Variants in SLC4A8 observed in about 807,000 individuals in gnomAD.
SLC4A8 encodes electroneutral sodium bicarbonate exchanger 1.
Under a neutral mutation model 125.0 loss-of-function variants are expected in SLC4A8, and 40 were observed. The ratio of observed to expected loss-of-function variants is 0.32; its 90% CI spans 0.25 to 0.42. The LOEUF (loss-of-function observed/expected upper bound fraction) is 0.42. SLC4A8 is among the 10% of genes least tolerant of loss of function. The pLI is 1.00. For missense variants in SLC4A8, 863 were observed against 1,355.1 expected (o/e 0.64, Z 5.70); for synonymous variants, 456 against 476.0 (o/e 0.96, Z 0.55).
Position 51,457,496 on chromosome 12 carries a change from G to A in SLC4A8, c.720G>A (p.Glu240=), listed in dbSNP as rs1320777459. Residue 240 remains glutamate (E), a synonymous_variant, in exon 6 of 25, where the codon GAG becomes GAA. Transcript: ENST00000453097. The part of the protein sequence containing the change: ...NLIPIVRSFA[E]VGKKQSDPHL... Reference sequence around the variant, plus strand: ...TTCCCATTGTTCGCTCCTTTGCTGAGGTTGGCAAGAAGCAGTCTGATCCTC... The same window carrying A: ...TTCCCATTGTTCGCTCCTTTGCTGAAGTTGGCAAGAAGCAGTCTGATCCTC... 1.9e-6 allele frequency: 3 copies of A among 1,613,946 alleles called. No individual in the cohort carries two copies. The African/African-American group carries it at 4.0e-5, about 22-fold the overall frequency.
At chr12:51,495,240 T>A (rs1951429936) in intron 21 of SLC4A8, 122 bp downstream of exon 21, 2 of 804,104 alleles carry the variant, frequency 2.5e-6, no homozygotes, top group Non-Finnish European at 3.8e-6. Flanking sequence ...TACATTCACA[T>A]TGCTGTGGAG....
At chr12:51,440,585 A>G (rs1411402598) in intron 1 of SLC4A8, 123 bp from the exon 2 acceptor site, 2 of 685,402 alleles carry the variant, frequency 2.9e-6, no homozygotes, top group Non-Finnish European at 4.9e-6. Flanking sequence ...GTTCACATGT[A>G]AAAATACAGG....
intron 11 of SLC4A8, among the ~76,000 whole-genome samples, chr12:51,464,333 A>G (rs1285903391): frequency 5.3e-5 from 8 of 152,214 alleles, no homozygotes; most frequent in Admixed American, 3.9e-4. Context: ...TGGACTAGGT[A>G]TGATAAATGT....
At chr12:51,453,433 C>T in intron 4 of SLC4A8, 106 bp from the exon 5 acceptor site, 3 of 1,154,980 alleles carry the variant, frequency 2.6e-6, no homozygotes, top group Non-Finnish European at 2.5e-6. Context: ...TTACAATGTT[C>T]AGTATGACTA....
chr12:51,488,770 A>C lies in SLC4A8; in HGVS notation c.2358A>C (p.Ala786=). The C allele has an allele frequency of 1.9e-6, 3 of 1,612,874 alleles. No individual in the cohort carries two copies. Among genetic ancestry groups the C allele is most frequent in the Non-Finnish European group, 2.5e-6 (3 of 1,178,860 alleles). The change falls in exon 18 of 25, where the codon GCA becomes GCC. Residue 786 remains alanine, a synonymous_variant. Coordinates refer to ENST00000453097, the MANE Select transcript of SLC4A8 (RefSeq NM_001039960.3). ...GPNPWWTVIA[A]IIPALLCTIL... ...ATCCCTGGTGGACTGTGATAGCTGC[A>C]ATTATCCCAGCTCTTCTCTGTACTA... is the stretch of plus-strand genomic sequence containing the variant.
rs189661802 is a variant in SLC4A8 at position 51,394,954 on chromosome 12, A to G, written c.-112+3466A>G. Among the ~76,000 whole-genome samples the G allele has an allele frequency of 8.5e-5, 13 of 152,244 alleles. No homozygotes were observed. The East Asian group carries it at 2.3e-3, about 27-fold the overall frequency. On this transcript the variant is annotated intron_variant, in intron 1 of 24. Coordinates refer to the SLC4A8 transcript ENST00000358657. ...TCAGGTGGGAGGATTGCTTGAGCCT[A>G]GGAGTTAGAGGCTGCGGCGAGCTGT...
Position 51,460,032 on chromosome 12 carries a change from C to T in SLC4A8, c.937C>T (p.Arg313Cys), listed in dbSNP as rs578147476. The T allele has an allele frequency of 1.1e-5, 17 of 1,613,070 alleles. No individual in the cohort carries two copies. The highest frequency in any genetic ancestry group is 6.7e-5 in the East Asian group (3 of 44,870). Residue 313 changes from arginine (R) to cysteine (C), a missense_variant, in exon 8 of 25, where the codon CGT becomes TGT. Arg to Cys is a radical substitution (Grantham distance 180, BLOSUM62 -3). This residue lies in a region of SLC4A8 where 390 missense variants were observed against 634.4 expected (regional missense o/e 0.61). Transcript: ENST00000453097. Reference protein sequence around the residue: ...VLVGEVDILDRPIVAFVRLSP... With the variant: ...VLVGEVDILDCPIVAFVRLSP... ...GGTTGGAGAGGTGGATATTTTGGAC[C>T]GTCCCATTGTTGCCTTTGTGAGGCT...
chr12:51,493,834 G>A (rs772750800), intron 20 of SLC4A8, 62 bp downstream of exon 20: 2 of 1,018,240 alleles, frequency 2.0e-6, no homozygotes, highest in Admixed American at 1.7e-5. Flanking sequence ...CCTGTCCAGG[G>A]AGGGACAGCT....
chr12:51,466,863 G>T (rs550249497), intron 11 of SLC4A8, among the ~76,000 whole-genome samples: 45 of 152,000 alleles, frequency 3.0e-4, no homozygotes, highest in Admixed American at 7.2e-4. Context: ...TAAATCTTTT[G>T]TCTGTTGCTC....
chr12:51,437,223 A>G (rs1246987591), intron 1 of SLC4A8, among the ~76,000 whole-genome samples: 1 of 152,236 alleles, frequency 6.6e-6, no homozygotes, highest in East Asian at 1.9e-4. Flanking sequence ...CCTTATGTTC[A>G]GAGTTGTCTT....
intron 1 of SLC4A8, among the ~76,000 whole-genome samples, chr12:51,438,588 G>T (rs899021904): frequency 1.3e-5 from 2 of 152,158 alleles, no homozygotes. Context: ...TGCGATAAAC[G>T]TGGGGATGCA....
Position 51,461,185 on chromosome 12 carries a change from C to T in SLC4A8, c.1014-19C>T, listed in dbSNP as rs757399904. On this transcript the variant is annotated intron_variant, in intron 8 of 24. Transcript: ENST00000453097. Reference sequence around the variant, plus strand: ...TTTATATTTACTTACATAATTTCCTCCTCTGTGTGTTTTGCCAGATTTTTG... The same window carrying T: ...TTTATATTTACTTACATAATTTCCTTCTCTGTGTGTTTTGCCAGATTTTTG... The T allele has an allele frequency of 7.1e-7, 1 of 1,409,898 alleles. No individual in the cohort carries two copies. The highest frequency in any genetic ancestry group is 1.2e-5 in the South Asian group (1 of 86,252). The allele number at this position is 1,409,898 out of a possible 1,614,324, so 87.3% of individuals were successfully genotyped here.
At chr12:51,420,774 C>A (rs948609587), upstream of SLC4A8, among the ~76,000 whole-genome samples, 5 of 152,194 alleles carry the variant, frequency 3.3e-5, no homozygotes, top group Middle Eastern at 0.01. Context: ...GATGAAATTC[C>A]CAGGCATCCC....
intron 17 of SLC4A8, among the ~76,000 whole-genome samples, chr12:51,487,748 G>A (rs1009124825): frequency 4.6e-5 from 7 of 152,194 alleles, no homozygotes; most frequent in Admixed American, 1.3e-4. Flanking sequence ...AACTTTAGCC[G>A]TCTTAGGCTC....
chr12:51,500,367 C>G (rs920579747), intron 22 of SLC4A8, among the ~76,000 whole-genome samples: 1 of 151,982 alleles, frequency 6.6e-6, no homozygotes, highest in African/African-American at 2.4e-5. Flanking sequence ...CATTCATGTT[C>G]ATTTCTTTAT....
intron 9 of SLC4A8, chr12:51,461,599 G>A (rs552773212): frequency 4.0e-6 from 1 of 252,672 alleles, no homozygotes; most frequent in East Asian, 9.1e-5. Context: ...TTCAAGAGAA[G>A]ATGGTTAATT....
intron 9 of SLC4A8, 136 bp from the exon 10 acceptor site, chr12:51,462,174 T>A: frequency 1.3e-6 from 1 of 787,220 alleles, no homozygotes; most frequent in Non-Finnish European, 2.1e-6. Flanking sequence ...CTCTAAGTGC[T>A]AAAGTTTTCT....
At chr12:51,437,889 G>A (rs1949470454) in intron 1 of SLC4A8, among the ~76,000 whole-genome samples, 2 of 152,188 alleles carry the variant, frequency 1.3e-5, no homozygotes, top group South Asian at 4.1e-4. Flanking sequence ...GAAATAGATT[G>A]CCAGGGAAAT....
intron 1 of SLC4A8, among the ~76,000 whole-genome samples, chr12:51,395,419 C>T (rs930603973): frequency 2.0e-5 from 3 of 152,038 alleles, no homozygotes; most frequent in African/African-American, 7.3e-5. Flanking sequence ...TCACTTTTCA[C>T]ATGAGTGTGC....
Sources: allele counts gnomAD v4.1 joint callset (sites outside exome capture counted in the v4.1 genomes callset), GRCh38; gene constraint gnomAD v4.1.1; regional missense constraint gnomAD v4.1.1; transcripts MANE v1.5; gene names NCBI Gene and HGNC (gene_info 2026-07-23, HGNC 2026-07-21).